ALG9: variants seen among roughly 807,000 people sequenced by gnomAD.
The protein encoded by ALG9 is ALG9 alpha-1,2-mannosyltransferase.
In ALG9, 55 loss-of-function variants were observed where a neutral mutation model predicts 81.8. The observed-to-expected ratio is 0.67, with a 90% CI of 0.54 to 0.84. The LOEUF (loss-of-function observed/expected upper bound fraction) is 0.84, where lower values mean the gene tolerates loss of function less well. ALG9 is among the 40% of genes least tolerant of loss of function. The pLI is 0.00. For missense variants in ALG9, 629 were observed against 745.0 expected, an observed-to-expected ratio of 0.84 and a Z score of 1.81; for synonymous variants, 278 against 274.3, an observed-to-expected ratio of 1.01 and a Z score of -0.13.
rs1592153153 is a variant in ALG9 at position 111,834,007 on chromosome 11, T to C, written c.1602+2158A>G. On this transcript the variant is annotated intron_variant, in intron 13 of 14. Transcript: ENST00000616540. ...TATCCACTGAGAAAGCATGTAAAAGTGAACTACTGGGTACATGACACCGTC... is the reference window on the plus strand; with the variant it reads ...TATCCACTGAGAAAGCATGTAAAAGCGAACTACTGGGTACATGACACCGTC... Among the ~76,000 whole-genome samples, 3 of 152,088 alleles carry C rather than the reference T, an allele frequency of 2.0e-5. No homozygotes were observed. The East Asian group carries it at 5.8e-4, about 29-fold the overall frequency.
At chr11:111,806,191 ATC>A (rs1215173037) in intron 14 of ALG9, among the ~76,000 whole-genome samples, 1 of 152,094 alleles carries the variant, frequency 6.6e-6, no homozygotes, top group East Asian at 1.9e-4. Flanking sequence ...AAGATAAAAA[ATC>A]TCTAGTTATC....
intron 13 of ALG9, among the ~76,000 whole-genome samples, chr11:111,835,752 A>G (rs1955132214): frequency 6.6e-6 from 1 of 152,162 alleles, no homozygotes; most frequent in Non-Finnish European, 1.5e-5. Flanking sequence ...ATCCTAAAAA[A>G]TATCCGGTTT....
chr11:111,870,382 C>CAA lies in ALG9; in HGVS notation c.132-14_132-13dup, dbSNP rs60312459. 4,795 of 967,804 alleles carry CAA rather than the reference C, an allele frequency of 5.0e-3. 4 individuals carry two copies. Among genetic ancestry groups the CAA allele is most frequent in the South Asian group, 8.8e-3 (377 of 42,694 alleles). 60.0% of individuals were successfully genotyped at this position (967,804 alleles called of 1,614,324 possible). A position where few individuals can be genotyped will look rare whatever the true frequency, so the allele number is the denominator to read the frequency against. On this transcript the variant is annotated splice_polypyrimidine_tract_variant and intron_variant, in intron 1 of 14. Coordinates refer to ENST00000616540, the MANE Select transcript of ALG9 (RefSeq NM_024740.2). The stretch of plus-strand genomic sequence containing the variant: ...TGTTCCCAGATAACCTGTTCAAAAG[C>CAA]AAAAAAAAAAAAAAAAAAAAAAGCA...
intron 14 of ALG9, among the ~76,000 whole-genome samples, chr11:111,789,693 G>A (rs771348225): frequency 2.0e-5 from 3 of 151,440 alleles, no homozygotes; most frequent in Non-Finnish European, 4.4e-5. Flanking sequence ...ATAACAGCGC[G>A]CCTGTAATCC....
At chr11:111,819,488 T>C (rs1565835337) in intron 13 of ALG9, among the ~76,000 whole-genome samples, 1 of 152,220 alleles carries the variant, frequency 6.6e-6, no homozygotes. Flanking sequence ...AAGGGGATAA[T>C]GTGAAAGATC....
chr11:111,858,909 T>C (rs1299329810), intron 5 of ALG9, among the ~76,000 whole-genome samples: 2 of 152,122 alleles, frequency 1.3e-5, no homozygotes, highest in Non-Finnish European at 2.9e-5. Flanking sequence ...TAAAGATCAA[T>C]TGTAGGAGTA....
intron 9 of ALG9, among the ~76,000 whole-genome samples, chr11:111,844,251 G>A (rs966015016): frequency 2.0e-5 from 3 of 152,068 alleles, no homozygotes; most frequent in East Asian, 1.9e-4. Context: ...TGATCCACCC[G>A]CCTCGGCCTC....
intron 12 of ALG9, 120 bp downstream of exon 12, chr11:111,837,348 T>C (rs1161258196): frequency 3.4e-6 from 4 of 1,185,888 alleles, no homozygotes; most frequent in Non-Finnish European, 3.6e-6. Flanking sequence ...TCCGACGTGG[T>C]AGATAATTCA....
At chr11:111,770,646 C>T in the ALG9 span, among the ~76,000 whole-genome samples, 1 of 152,122 alleles carries the variant, frequency 6.6e-6, no homozygotes. Flanking sequence ...CTACAGTGAG[C>T]TATGATCACA....
At chr11:111,860,707 A>C in intron 4 of ALG9, 72 bp from the exon 5 acceptor site, 1 of 1,157,208 alleles carries the variant, frequency 8.6e-7, no homozygotes, top group Non-Finnish European at 1.3e-6. Flanking sequence ...GGAGAAAAAC[A>C]CGTACCACAG....
At chr11:111,870,010 C>T (rs1555156817) in intron 2 of ALG9, among the ~76,000 whole-genome samples, 1 of 152,014 alleles carries the variant, frequency 6.6e-6, no homozygotes, top group East Asian at 1.9e-4. Context: ...CGGGGTTTCA[C>T]CATGTTGGTC....
chr11:111,860,820 G>C (rs1156266609), intron 4 of ALG9, among the ~76,000 whole-genome samples, 185 bp from the exon 5 acceptor site: 2 of 152,188 alleles, frequency 1.3e-5, no homozygotes, highest in East Asian at 3.8e-4. Context: ...TGACACAGAA[G>C]AGAAGCTCCC....
the ALG9 span, chr11:111,771,045 C>T: frequency 1.3e-5 from 2 of 152,258 alleles, no homozygotes; most frequent in African/African-American, 4.8e-5. Flanking sequence ...TCCTATAAGA[C>T]AAAGCATCAA....
intron 6 of ALG9, among the ~76,000 whole-genome samples, chr11:111,854,681 C>T (rs575532282): frequency 6.6e-6 from 1 of 152,162 alleles, no homozygotes; most frequent in African/African-American, 2.4e-5. Context: ...ATGTAAATTC[C>T]GTATAACATT....
chr11:111,790,377 T>C (rs898762981), intron 14 of ALG9, among the ~76,000 whole-genome samples: 1 of 152,138 alleles, frequency 6.6e-6, no homozygotes, highest in African/African-American at 2.4e-5. Flanking sequence ...TGTTGTGGTA[T>C]GTTCCTGTAA....
At chr11:111,817,858 C>T (rs1438224724) in intron 13 of ALG9, among the ~76,000 whole-genome samples, 1 of 151,066 alleles carries the variant, frequency 6.6e-6, no homozygotes, top group African/African-American at 2.4e-5. Context: ...CTCACTGCAA[C>T]CTCCACCTCG....
intron 14 of ALG9, among the ~76,000 whole-genome samples, chr11:111,807,259 C>T (rs1555086065): frequency 6.6e-6 from 1 of 152,166 alleles, no homozygotes; most frequent in East Asian, 1.9e-4. Context: ...AACCTGCACT[C>T]TCACCCCTAC....
intron 13 of ALG9, among the ~76,000 whole-genome samples, chr11:111,833,779 T>A (rs1388522334): frequency 1.3e-5 from 2 of 152,244 alleles, no homozygotes; most frequent in African/African-American, 4.8e-5. Flanking sequence ...CCTACTGGCA[T>A]CCTGAAAAAT....
chr11:111,786,536 TA>T lies in ALG9; in HGVS notation c.1734-17del, dbSNP rs781783210. ...CTTTGAAGATCTGAAAAACAAGGGA[TA>T]AAAAAAAGAATTTTATCACTTGGGA... On this transcript the variant is annotated splice_polypyrimidine_tract_variant and intron_variant, in intron 14 of 14. Transcript: ENST00000616540. The T allele has an allele frequency of 5.6e-6, 9 of 1,612,936 alleles. No individual in the cohort carries two copies. The Admixed American group carries it at 8.3e-5, about 15-fold the overall frequency.
Sources: allele counts gnomAD v4.1 joint callset (sites outside exome capture counted in the v4.1 genomes callset), GRCh38; gene constraint gnomAD v4.1.1; transcripts MANE v1.5; gene names NCBI Gene and HGNC (gene_info 2026-07-23, HGNC 2026-07-21).